The following TTYH2 variants were observed in gnomAD, a reference collection of about 807,000 sequenced individuals.
The protein encoded by TTYH2 is tweety family member 2, also known as protein tweety homolog 2.
A neutral mutation model predicts 68.3 loss-of-function variants in TTYH2; 49 were observed. The ratio of observed to expected loss-of-function variants is 0.72; its 90% confidence interval spans 0.57 to 0.91. The LOEUF (loss-of-function observed/expected upper bound fraction) is 0.91. TTYH2 is among the 40% of genes least tolerant of loss of function. The pLI is 0.00. For synonymous variants in TTYH2, 272 were observed against 300.8 expected (o/e 0.90, Z 0.99); for missense variants, 631 against 700.4 (o/e 0.90, Z 1.12).
chr17:74,227,385 C>T (rs2050340788), intron 2 of TTYH2, among the ~76,000 whole-genome samples: 1 of 152,172 alleles, frequency 6.6e-6, no homozygotes, highest in African/African-American at 2.4e-5. Flanking sequence ...CATATTGAAT[C>T]CCTGGAAAAC....
In TTYH2 at chr17:74,236,679, A is replaced by G. The variant is rs1598221817; in HGVS notation, c.415-615A>G. Among the ~76,000 whole-genome samples the G allele has an allele frequency of 2.0e-5, 3 of 152,176 alleles. No homozygotes were observed. The East Asian group carries it at 5.8e-4, about 29-fold the overall frequency. ...TAGACCTGGCCTCAGCCTGCAACAC[A>G]TAATGGTGTGCTCCTTTGGCGCCAG... On this transcript the variant is annotated intron_variant, in intron 3 of 13. Transcript: ENST00000269346.
At chr17:74,251,853 T>C (rs1371114809) in intron 10 of TTYH2, 1 of 215,268 alleles carries the variant, frequency 4.6e-6, no homozygotes, top group Non-Finnish European at 9.3e-6. Context: ...CTATGTTCTC[T>C]CTCTTTCCTG....
intron 13 of TTYH2, among the ~76,000 whole-genome samples, chr17:74,257,952 G>A (rs59590410): frequency 0.25 from 37,544 of 151,904 alleles, 4,986 homozygotes; most frequent in African/African-American, 0.31. Flanking sequence ...CCAGGAGCTC[G>A]AGACCAGCCT....
chr17:74,259,761 G>A (rs915827952), intron 13 of TTYH2, among the ~76,000 whole-genome samples: 7 of 152,154 alleles, frequency 4.6e-5, no homozygotes, highest in Non-Finnish European at 8.8e-5. Context: ...CCAAGGTCAC[G>A]GGGTAAGATG....
In TTYH2 at chr17:74,247,606, A is replaced by G. The variant is rs996162863; in HGVS notation, c.805-1405A>G. On this transcript the variant is annotated intron_variant, in intron 6 of 13. Coordinates refer to ENST00000269346, the MANE Select transcript of TTYH2 (RefSeq NM_032646.6). The stretch of plus-strand genomic sequence containing the variant: ...GTCCCTCTCCTTTCTTGGTTCCCAA[A>G]CTTCTTGGGGGTGACCCAAACTGAG... Among the ~76,000 whole-genome samples the G allele has an allele frequency of 3.9e-5, 6 of 152,040 alleles. No homozygotes were observed. In the East Asian group the frequency reaches 1.2e-3, roughly 29 times the overall value.
chr17:74,241,350 C>A lies in TTYH2; in HGVS notation c.636-2024C>A, dbSNP rs1428416015. Among the ~76,000 whole-genome samples the A allele has an allele frequency of 6.6e-6, 1 of 151,752 alleles. No homozygotes were observed. Among genetic ancestry groups the A allele is most frequent in the Non-Finnish European group, 1.5e-5 (1 of 67,976 alleles). ...CACTAGATGGTTTGCGAGGTTCCTT[C>A]CAGCTCTGAGCTAAGTCTAAGGAAA... On this transcript the variant is annotated intron_variant, in intron 4 of 13. Coordinates refer to ENST00000269346, the MANE Select transcript of TTYH2 (RefSeq NM_032646.6). This position sits in a 1 kb window ranked among gnomAD's most constrained non-coding sequence, Gnocchi z 4.1.
In TTYH2 at chr17:74,241,374, A is replaced by G. The variant is rs535182588; in HGVS notation, c.636-2000A>G. ...TCCAGCTCTGAGCTAAGTCTAAGGA[A>G]ACTGGCTTCTTGGTGGCAGCAGGCT... On this transcript the variant is annotated intron_variant, in intron 4 of 13. Transcript: ENST00000269346. The surrounding 1 kb of genome is among the most constrained non-coding windows in gnomAD (Gnocchi z 4.1). Among the ~76,000 whole-genome samples the G allele has an allele frequency of 3.2e-4, 49 of 151,994 alleles. No homozygotes were observed. Among genetic ancestry groups the G allele is most frequent in the African/African-American group, 1.0e-3 (42 of 41,436 alleles).
chr17:74,238,729 TG>T (rs1238845485), intron 4 of TTYH2, among the ~76,000 whole-genome samples: 1 of 151,954 alleles, frequency 6.6e-6, no homozygotes, highest in African/African-American at 2.4e-5. Context: ...TAGCTGGGCG[TG>T]GTGGCGCATG....
Position 74,214,947 on chromosome 17 carries a change from T to C in TTYH2, c.129+1231T>C, listed in dbSNP as rs1040325655. On this transcript the variant is annotated intron_variant, in intron 1 of 13. Transcript: ENST00000269346. This position sits in a 1 kb window ranked among gnomAD's most constrained non-coding sequence, Gnocchi z 4.6. ...CCGGCTGCCATCAGGCCCAGGCAGA[T>C]GGTGCCTGCCCTACCAGAGGGAGGG... 2.0e-4 allele frequency among the ~76,000 whole-genome samples: 31 copies of C among 152,094 alleles called. No homozygotes were observed. The highest frequency in any genetic ancestry group is 3.2e-3 in the Middle Eastern group (1 of 316).
At chr17:74,258,576 C>A (rs527560305) in intron 13 of TTYH2, among the ~76,000 whole-genome samples, 1 of 152,026 alleles carries the variant, frequency 6.6e-6, no homozygotes, top group African/African-American at 2.4e-5. Context: ...CGGAGATGTG[C>A]GTGTCTGACA....
At chr17:74,250,694 C>T (rs941918693) in intron 10 of TTYH2, 2 of 208,226 alleles carry the variant, frequency 9.6e-6, no homozygotes, top group Admixed American at 5.7e-5. Context: ...CCCTGGGTTG[C>T]AAGTGGATGT....
At chr17:74,243,258 C>T (rs1476823490) in intron 4 of TTYH2, 116 bp from the exon 5 acceptor site, 5 of 842,228 alleles carry the variant, frequency 5.9e-6, no homozygotes, top group Non-Finnish European at 9.9e-6. Flanking sequence ...CTCTGGGCAG[C>T]ATGTCCATAG....
At chr17:74,227,983 CTTTT>C (rs35080135) in intron 2 of TTYH2, among the ~76,000 whole-genome samples, 29 of 112,510 alleles carry the variant, frequency 2.6e-4, no homozygotes, top group African/African-American at 1.2e-3. Flanking sequence ...TCTTTTCTTT[CTTTT>C]TTTTTTTTTT....
chr17:74,230,932 A>G lies in TTYH2; in HGVS notation c.347A>G (p.Asp116Gly), dbSNP rs1453630551. The G allele has an allele frequency of 1.2e-6, 2 of 1,614,158 alleles. No homozygotes were observed. Among genetic ancestry groups the G allele is most frequent in the East Asian group, 4.5e-5 (2 of 44,874 alleles). ...TTCTATGGAAACAGCGAGACCAACG[A>G]TGGGGCGTACCAGCTGATGTACTCC... ...VGFYGNSETNDGAYQLMYSLD... is the reference protein window; with the variant it reads ...VGFYGNSETNGGAYQLMYSLD... The change falls in exon 3 of 14, where the codon GAT (aspartate) becomes GGT (glycine). Residue 116 changes from aspartate to glycine, a missense_variant. By Grantham distance (94) the Asp-to-Gly change is moderately conservative (BLOSUM62 -1). Transcript: ENST00000269346.
chr17:74,248,397 C>T, intron 6 of TTYH2: 1 of 986,984 alleles, frequency 1.0e-6, no homozygotes, highest in Non-Finnish European at 1.2e-6. Context: ...GGGGCCAGGT[C>T]CTCCAGCTCA....
At position 74,222,641 on chromosome 17, in the gene TTYH2, G is replaced by C; in HGVS notation, c.286G>C (p.Ala96Pro). Residue 96 changes from alanine to proline, a missense_variant, in exon 2 of 14, where the codon GCC becomes CCC. By Grantham distance (27) the Ala-to-Pro change is conservative. Transcript: ENST00000269346. This position sits in a 1 kb window ranked among gnomAD's most constrained non-coding sequence, Gnocchi z 5.2. ...CTGCATCACCTGGACGGCCGTGGTG[G>C]CCGGGCTCATCTGCTGGTGAGTGTC... ...SCCITWTAVV[A>P]GLICCAAVGV... 6.2e-7 allele frequency: 1 copy of C among 1,609,620 alleles called. No individual in the cohort carries two copies. Among genetic ancestry groups the C allele is most frequent in the Non-Finnish European group, 8.5e-7 (1 of 1,179,640 alleles).
rs1044915715 is a variant in TTYH2, at chr17:74,251,091, ATGTC to A, written c.1116+738_1116+741del. Among the ~76,000 whole-genome samples the A allele has an allele frequency of 9.8e-5, 9 of 92,062 alleles. 1 individual carries two copies. The South Asian group carries it at 2.4e-3, about 25-fold the overall frequency. 60.4% of individuals were successfully genotyped at this position (92,062 alleles called of 152,430 possible). A position where few individuals can be genotyped will look rare whatever the true frequency, so the allele number is the denominator to read the frequency against. On this transcript the variant is annotated intron_variant, in intron 10 of 13. Coordinates refer to ENST00000269346, the MANE Select transcript of TTYH2 (RefSeq NM_032646.6). ...GCGTGTGTGTGCACTTGTGGTGTAT[ATGTC>A]TGTGCGTGTGTGGTGTGTTTCTGCG...
chr17:74,238,251 G>A (rs1484911502), intron 4 of TTYH2, among the ~76,000 whole-genome samples: 1 of 152,182 alleles, frequency 6.6e-6, no homozygotes, highest in Non-Finnish European at 1.5e-5. Flanking sequence ...AGGGTTATGG[G>A]GGGTTGAGGA....
chr17:74,215,555 G>A lies in TTYH2; in HGVS notation c.129+1839G>A, dbSNP rs2050214143. 5 of 1,393,754 alleles carry A rather than the reference G, an allele frequency of 3.6e-6. No individual in the cohort carries two copies. The highest frequency in any genetic ancestry group is 1.4e-5 in the African/African-American group (1 of 69,838). The allele number at this position is 1,393,754 out of a possible 1,614,324, so 86.3% of individuals were successfully genotyped here. A position where few individuals can be genotyped will look rare whatever the true frequency, so the allele number is the denominator to read the frequency against. On this transcript the variant is annotated intron_variant, in intron 1 of 13. Coordinates refer to ENST00000269346, the MANE Select transcript of TTYH2 (RefSeq NM_032646.6). This position sits in a 1 kb window ranked among gnomAD's most constrained non-coding sequence, Gnocchi z 4.3. ...GTTCCAGAGGGTGTCCCTTCCCATC[G>A]GCCACTGCTCCTGGGCAGCTGACAC... is the stretch of plus-strand genomic sequence containing the variant.
Sources: allele counts gnomAD v4.1 joint callset (sites outside exome capture counted in the v4.1 genomes callset), GRCh38; gene constraint gnomAD v4.1.1; non-coding constraint Gnocchi (gnomAD v3.1); transcripts MANE v1.5; gene names NCBI Gene and HGNC (gene_info 2026-07-23, HGNC 2026-07-21).